Variants in HIBADH observed in about 807,000 individuals in gnomAD.
HIBADH encodes the protein 3-hydroxyisobutyrate dehydrogenase.
A neutral mutation model predicts 36.1 loss-of-function variants in HIBADH; 25 were observed. The observed-to-expected ratio is 0.69, with a 90% CI of 0.50 to 0.97. The LOEUF (loss-of-function observed/expected upper bound fraction) is 0.97, where lower values mean the gene tolerates loss of function less well. Ranked by LOEUF, HIBADH falls within the 50% of genes least tolerant of loss-of-function variation. The pLI, the probability that HIBADH is intolerant of heterozygous loss-of-function variation, is 0.00. For synonymous variants in HIBADH, 160 were observed against 149.5 expected (o/e 1.07, Z -0.51); for missense variants, 421 against 418.0 (o/e 1.01, Z -0.06).
intron 4 of HIBADH, among the ~76,000 whole-genome samples, chr7:27,549,242 T>G (rs1292097956): frequency 6.6e-6 from 1 of 152,218 alleles, no homozygotes; most frequent in Non-Finnish European, 1.5e-5. Flanking sequence ...TGTATTGTAT[T>G]CTTGAAAATT....
intron 5 of HIBADH, among the ~76,000 whole-genome samples, chr7:27,542,216 C>CA (rs1227266057): frequency 6.7e-6 from 1 of 150,086 alleles, no homozygotes. Context: ...CACAAATCTT[C>CA]AAAAAAATTT....
At chr7:27,534,422 G>A (rs1014543275) in intron 6 of HIBADH, among the ~76,000 whole-genome samples, 1 of 152,120 alleles carries the variant, frequency 6.6e-6, no homozygotes, top group Non-Finnish European at 1.5e-5. Context: ...AGTGCTACAC[G>A]TGCAGCGAAG....
rs770609637 is a variant in HIBADH at position 27,563,068 on chromosome 7, C to T, written c.485-19968G>A. Among the ~76,000 whole-genome samples the T allele has an allele frequency of 3.3e-5, 5 of 152,176 alleles. No individual in the cohort carries two copies. In the East Asian group the frequency reaches 5.8e-4, roughly 18 times the overall value. ...TTCTCTCATGCTACCCCTTTGTGGT[C>T]AAACCCTCTTGCCTTCTCCAACTCC... On this transcript the variant is annotated intron_variant, in intron 4 of 7. Coordinates refer to ENST00000265395, the MANE Select transcript of HIBADH (RefSeq NM_152740.4).
At chr7:27,624,919 G>GA (rs1785614079) in intron 4 of HIBADH, among the ~76,000 whole-genome samples, 1 of 152,072 alleles carries the variant, frequency 6.6e-6, no homozygotes, top group African/African-American at 2.4e-5. Context: ...CATTACACTG[G>GA]AAAAACAGAG....
At chr7:27,620,857 C>T (rs1333813264) in intron 4 of HIBADH, among the ~76,000 whole-genome samples, 1 of 151,728 alleles carries the variant, frequency 6.6e-6, no homozygotes, top group African/African-American at 2.4e-5. Flanking sequence ...AACAATATGA[C>T]AGGGACAAAG....
intron 1 of HIBADH, among the ~76,000 whole-genome samples, chr7:27,655,429 T>G (rs189571699): frequency 6.6e-6 from 1 of 152,142 alleles, no homozygotes; most frequent in Non-Finnish European, 1.5e-5. Context: ...GGTATATATG[T>G]GGAAGAAAAA....
chr7:27,545,678 T>C (rs1015270765), intron 4 of HIBADH, among the ~76,000 whole-genome samples: 3 of 152,210 alleles, frequency 2.0e-5, no homozygotes, highest in Non-Finnish European at 4.4e-5. Context: ...GGGTAGTTGC[T>C]AGAATACTGA....
chr7:27,579,749 T>A (rs1332142804), intron 4 of HIBADH, among the ~76,000 whole-genome samples: 2 of 152,230 alleles, frequency 1.3e-5, no homozygotes, highest in Non-Finnish European at 2.9e-5. Flanking sequence ...TTCTGGGGTA[T>A]CCACCACAAC....
At chr7:27,582,992 C>T (rs7789788) in intron 4 of HIBADH, among the ~76,000 whole-genome samples, 115,923 of 152,044 alleles carry the variant, frequency 0.76, 44,702 homozygotes, top group East Asian at 0.94. Flanking sequence ...AGCAATTTTA[C>T]AAAATACCTG....
At chr7:27,577,694 C>T (rs1444808914) in intron 4 of HIBADH, among the ~76,000 whole-genome samples, 11 of 152,208 alleles carry the variant, frequency 7.2e-5, no homozygotes, top group Admixed American at 7.2e-4. Context: ...TTCATCCCCC[C>T]AAATCAGTCA....
chr7:27,623,655 CT>C (rs1785585827), intron 4 of HIBADH, among the ~76,000 whole-genome samples: 1 of 151,910 alleles, frequency 6.6e-6, no homozygotes, highest in Non-Finnish European at 1.5e-5. Context: ...CTTATAATTG[CT>C]ATGAAAAATA....
chr7:27,574,567 C>G (rs112928383), intron 4 of HIBADH, among the ~76,000 whole-genome samples: 1 of 152,146 alleles, frequency 6.6e-6, no homozygotes, highest in South Asian at 2.1e-4. Flanking sequence ...TAACTAAGTA[C>G]ATAGATAGGT....
chr7:27,588,832 T>G (rs1304270060), intron 4 of HIBADH, among the ~76,000 whole-genome samples: 1 of 152,214 alleles, frequency 6.6e-6, no homozygotes, highest in Non-Finnish European at 1.5e-5. Context: ...AATGAAAAAG[T>G]AGAGTGCCTA....
chr7:27,611,315 T>A lies in HIBADH; in HGVS notation c.484+18056A>T, dbSNP rs566916423. ...TATTAGGCAATCAGTGAGTTTATTCTTCAATTATTCAAGCACAGCTATAAT... is the reference window on the plus strand; with the variant it reads ...TATTAGGCAATCAGTGAGTTTATTCATCAATTATTCAAGCACAGCTATAAT... On this transcript the variant is annotated intron_variant, in intron 4 of 7. Transcript: ENST00000265395. Among the ~76,000 whole-genome samples the A allele has an allele frequency of 3.3e-5, 5 of 152,336 alleles. No individual in the cohort carries two copies. In the South Asian group the frequency reaches 1.0e-3, roughly 32 times the overall value.
chr7:27,544,151 G>C (rs1583561481), intron 4 of HIBADH, among the ~76,000 whole-genome samples: 1 of 152,108 alleles, frequency 6.6e-6, no homozygotes, highest in East Asian at 1.9e-4. Context: ...GACAGCTGCA[G>C]GTAATGGCCT....
chr7:27,625,267 G>A (rs527927913), intron 4 of HIBADH, among the ~76,000 whole-genome samples: 2 of 152,226 alleles, frequency 1.3e-5, no homozygotes, highest in Admixed American at 1.3e-4. Flanking sequence ...CACCTGAAGG[G>A]CTATTTTGGT....
intron 4 of HIBADH, among the ~76,000 whole-genome samples, chr7:27,547,020 A>G (rs952088205): frequency 1.3e-5 from 2 of 152,208 alleles, no homozygotes; most frequent in African/African-American, 2.4e-5. Flanking sequence ...TTTGTTCCCT[A>G]TTCCCAACCC....
intron 2 of HIBADH, among the ~76,000 whole-genome samples, chr7:27,641,279 C>T (rs960224709): frequency 2.6e-5 from 4 of 152,190 alleles, no homozygotes; most frequent in African/African-American, 9.6e-5. Context: ...ACTGAAAGAA[C>T]AGCTGACATT....
At chr7:27,556,230 G>C (rs1032953252) in intron 4 of HIBADH, among the ~76,000 whole-genome samples, 2 of 152,148 alleles carry the variant, frequency 1.3e-5, no homozygotes, top group Non-Finnish European at 2.9e-5. Flanking sequence ...GAAAAGTCGA[G>C]TATCTTTTTA....
Sources: allele counts gnomAD v4.1 joint callset (sites outside exome capture counted in the v4.1 genomes callset), GRCh38; gene constraint gnomAD v4.1.1; transcripts MANE v1.5; gene names NCBI Gene and HGNC (gene_info 2026-07-23, HGNC 2026-07-21).